The following ITGA8 variants were observed in gnomAD, a reference collection of about 807,000 sequenced individuals.
ITGA8 encodes integrin subunit alpha 8.
A neutral mutation model predicts 142.3 loss-of-function variants in ITGA8; 91 were observed. The ratio of observed to expected loss-of-function variants is 0.64; its 90% CI spans 0.54 to 0.76. ITGA8 has a LOEUF of 0.76. ITGA8 is among the 30% of genes least tolerant of loss of function. ITGA8 has a pLI of 0.00. For synonymous variants in ITGA8, 505 were observed against 485.2 expected, an observed-to-expected ratio of 1.04 and a Z score of -0.54; for missense variants, 1,406 against 1,327.7, an observed-to-expected ratio of 1.06 and a Z score of -0.92.
chr10:15,545,665 C>T (rs1466342076), intron 27 of ITGA8, among the ~76,000 whole-genome samples: 4 of 139,414 alleles, frequency 2.9e-5, no homozygotes, highest in African/African-American at 1.0e-4. Flanking sequence ...GTTTTACCAA[C>T]CTACTGCTTA....
intron 26 of ITGA8, among the ~76,000 whole-genome samples, chr10:15,550,911 G>A (rs1472173179): frequency 6.6e-6 from 1 of 152,106 alleles, no homozygotes; most frequent in African/African-American, 2.4e-5. Flanking sequence ...CCTGGTGAGT[G>A]ATGCTGAGGC....
chr10:15,615,221 A>C (rs919062597), intron 14 of ITGA8, among the ~76,000 whole-genome samples: 2 of 152,128 alleles, frequency 1.3e-5, no homozygotes, highest in Non-Finnish European at 2.9e-5. Context: ...TGAGTGGTGC[A>C]CTCCACAGCC....
chr10:15,698,753 G>A (rs1016878882), intron 2 of ITGA8, among the ~76,000 whole-genome samples: 7 of 152,028 alleles, frequency 4.6e-5, no homozygotes, highest in African/African-American at 1.7e-4. Flanking sequence ...ACTTTTTGAT[G>A]GGATTGTTTT....
intron 13 of ITGA8, among the ~76,000 whole-genome samples, chr10:15,627,540 GCATCACA>G (rs1833607850): frequency 6.6e-6 from 1 of 152,176 alleles, no homozygotes; most frequent in South Asian, 2.1e-4. Flanking sequence ...AGAAAGAAGA[GCATCACA>G]TGAACAATGC....
At chr10:15,645,890 AC>A (rs1463308650) in intron 12 of ITGA8, among the ~76,000 whole-genome samples, 2 of 152,190 alleles carry the variant, frequency 1.3e-5, no homozygotes, top group Non-Finnish European at 2.9e-5. Context: ...AACCTAAAGA[AC>A]TACAAGCCTA....
At chr10:15,571,709 A>G (rs533855535) in intron 25 of ITGA8, among the ~76,000 whole-genome samples, 7 of 152,320 alleles carry the variant, frequency 4.6e-5, no homozygotes, top group Non-Finnish European at 1.0e-4. Context: ...TCTAGGCTTT[A>G]AGCTTCAATT....
intron 1 of ITGA8, 27 bp downstream of exon 1, chr10:15,719,536 C>T (rs757176135): frequency 6.6e-7 from 1 of 1,519,864 alleles, no homozygotes; most frequent in Non-Finnish European, 8.7e-7. Flanking sequence ...CGTCCCCGCG[C>T]GCACCTCCCC....
At position 15,678,032 on chromosome 10, in the gene ITGA8, C is replaced by T. The variant is rs1834664426; in HGVS notation, c.631-395G>A. ...AATTTATTTCAAGGACATAGTAATG[C>T]CTATTTTTTTCCATACATCCCCAGT... is the stretch of plus-strand genomic sequence containing the variant. On this transcript the variant is annotated intron_variant, in intron 5 of 29. Coordinates refer to ENST00000378076, the MANE Select transcript of ITGA8 (RefSeq NM_003638.3). Among the ~76,000 whole-genome samples, 4 of 152,084 alleles carry T rather than the reference C, an allele frequency of 2.6e-5. No individual in the cohort carries two copies. In the South Asian group the frequency reaches 8.3e-4, roughly 32 times the overall value.
rs544270659 is a variant in ITGA8 at position 15,665,620 on chromosome 10, G to C, written c.848-4698C>G. ...CCTATGTCCTGGATGGTATTGCCTA[G>C]GTTTTCTTCTAGGGTTTTTATGGTT... On this transcript the variant is annotated intron_variant, in intron 8 of 29. Coordinates refer to ENST00000378076, the MANE Select transcript of ITGA8 (RefSeq NM_003638.3). 1.4e-3 allele frequency among the ~76,000 whole-genome samples: 207 copies of C among 152,240 alleles called. 1 individual carries two copies. Among genetic ancestry groups the C allele is most frequent in the African/African-American group, 4.8e-3 (201 of 41,524 alleles).
intron 22 of ITGA8, among the ~76,000 whole-genome samples, chr10:15,590,212 A>G (rs991242622): frequency 1.3e-5 from 2 of 152,232 alleles, no homozygotes; most frequent in African/African-American, 4.8e-5. Context: ...GAATGTAATC[A>G]GTCATGACCC....
chr10:15,601,516 C>T (rs759957530), intron 20 of ITGA8, among the ~76,000 whole-genome samples: 7 of 151,998 alleles, frequency 4.6e-5, no homozygotes, highest in African/African-American at 7.3e-5. Context: ...TGCACTACCA[C>T]GTAAATATAA....
At position 15,605,611 on chromosome 10, in the gene ITGA8, C is replaced by A. The variant is rs905473141; in HGVS notation, c.1970+113G>T. 4 of 846,316 alleles carry A rather than the reference C, an allele frequency of 4.7e-6. No homozygotes were observed. In the African/African-American group the frequency reaches 5.1e-5, roughly 11 times the overall value. The allele number at this position is 846,316 out of a possible 1,614,324, so 52.4% of individuals were successfully genotyped here. The stretch of plus-strand genomic sequence containing the variant: ...AGTGTAGCCAAGCTCAAGAATTTCA[C>A]GCAGCATAGTTTTTGGTAGTTATTG... On this transcript the variant is annotated intron_variant, in intron 19 of 29. Coordinates refer to ENST00000378076, the MANE Select transcript of ITGA8 (RefSeq NM_003638.3).
intron 14 of ITGA8, among the ~76,000 whole-genome samples, chr10:15,615,160 G>C (rs549937807): frequency 6.6e-6 from 1 of 152,286 alleles, no homozygotes; most frequent in African/African-American, 2.4e-5. Context: ...TGAAAGTGGC[G>C]GATTGGAAGC....
At chr10:15,683,236 G>A (rs1834770899) in intron 4 of ITGA8, among the ~76,000 whole-genome samples, 3 of 151,972 alleles carry the variant, frequency 2.0e-5, no homozygotes, top group Admixed American at 2.0e-4. Context: ...AACTGGAGGA[G>A]TTAATTAAAG....
chr10:15,670,831 T>C (rs976469409), intron 8 of ITGA8, among the ~76,000 whole-genome samples: 62 of 152,318 alleles, frequency 4.1e-4, no homozygotes, highest in African/African-American at 1.4e-3. Context: ...CAGACTTTGC[T>C]CGAAGCCAAT....
At chr10:15,716,971 T>A (rs1835466034) in intron 2 of ITGA8, among the ~76,000 whole-genome samples, 1 of 152,204 alleles carries the variant, frequency 6.6e-6, no homozygotes, top group Admixed American at 6.5e-5. Flanking sequence ...CTACCTATTG[T>A]AATTTAATAT....
intron 25 of ITGA8, among the ~76,000 whole-genome samples, chr10:15,571,008 T>C (rs1176241827): frequency 6.6e-6 from 1 of 152,198 alleles, no homozygotes; most frequent in African/African-American, 2.4e-5. Context: ...AATAAGCTAC[T>C]GTCCTTAAAG....
In ITGA8 at chr10:15,668,887, T is replaced by C. The variant is rs373429201; in HGVS notation, c.847+2716A>G. Among the ~76,000 whole-genome samples, 6 of 152,228 alleles carry C rather than the reference T, an allele frequency of 3.9e-5. No individual in the cohort carries two copies. The South Asian group carries it at 6.2e-4, about 16-fold the overall frequency. On this transcript the variant is annotated intron_variant, in intron 8 of 29. Transcript: ENST00000378076. Reference sequence around the variant, plus strand: ...GCTAGTAGAGTTTCTGCTGAGAGATTAGCTGTTAGTCTGATGGGCTTCCCT... The same window carrying C: ...GCTAGTAGAGTTTCTGCTGAGAGATCAGCTGTTAGTCTGATGGGCTTCCCT...
At chr10:15,542,987 A>C (rs1588634230) in intron 27 of ITGA8, among the ~76,000 whole-genome samples, 1 of 152,340 alleles carries the variant, frequency 6.6e-6, no homozygotes, top group East Asian at 1.9e-4. Flanking sequence ...TCGGTCAACC[A>C]AAACATCAAC....
Sources: gnomAD v4.1 joint callset for allele counts (sites outside exome capture counted in the v4.1 genomes callset) on GRCh38, gnomAD v4.1.1 for gene constraint, MANE v1.5 for transcripts, NCBI Gene and HGNC (gene_info 2026-07-23, HGNC 2026-07-21) for gene names.